Variants in DCHS2 observed in about 807,000 individuals in gnomAD.
DCHS2 encodes dachsous cadherin-related 2.
Under a neutral mutation model 182.4 loss-of-function variants are expected in DCHS2, and 142 were observed. The observed-to-expected ratio is 0.78, with a 90% confidence interval of 0.68 to 0.89. DCHS2 has a LOEUF of 0.89. Ranked by LOEUF, DCHS2 falls within the 40% of genes least tolerant of loss-of-function variation. The pLI is 0.00. For synonymous variants in DCHS2, 1,740 were observed against 1,663.3 expected, an observed-to-expected ratio of 1.05 and a Z score of -1.12; for missense variants, 4,319 against 4,198.6, an observed-to-expected ratio of 1.03 and a Z score of -0.79.
intron 1 of DCHS2, among the ~76,000 whole-genome samples, chr4:154,394,265 A>G (rs1399872319): frequency 6.6e-6 from 1 of 152,190 alleles, no homozygotes; most frequent in Non-Finnish European, 1.5e-5. Context: ...CAATGCACTT[A>G]AATCAGCACT....
In DCHS2 at chr4:154,489,760, G is replaced by T; in HGVS notation, c.1596C>A (p.Leu532=). The T allele has an allele frequency of 1.3e-6, 2 of 1,551,630 alleles. No individual in the cohort carries two copies. The highest frequency in any genetic ancestry group is 2.4e-5 in the South Asian group (2 of 84,056). ...EETLLLRVAD[L]NDQPPLFSQQ... is the part of the protein sequence containing the mutation. Reference sequence around the variant, plus strand: ...GGCTGAAGAGAGGTGGTTGGTCATTGAGGTCAGCGACCCGGAGTAGCAGCG... The same window carrying T: ...GGCTGAAGAGAGGTGGTTGGTCATTTAGGTCAGCGACCCGGAGTAGCAGCG... The change falls in exon 1 of 20, where the codon CTC becomes CTA. Residue 532 remains leucine, a synonymous_variant. Transcript: ENST00000357232.
intron 1 of DCHS2, among the ~76,000 whole-genome samples, chr4:154,418,720 G>A (rs1045997110): frequency 2.0e-5 from 3 of 152,034 alleles, no homozygotes; most frequent in African/African-American, 7.2e-5. Flanking sequence ...ATAATATAAA[G>A]GGAAAATAAA....
In DCHS2 at chr4:154,232,665, A is replaced by C. The variant is rs989479833; in HGVS notation, c.*1871T>G. 2 of 152,180 alleles carry C rather than the reference A, an allele frequency of 1.3e-5. No individual in the cohort carries two copies. The highest frequency in any genetic ancestry group is 2.9e-5 in the Non-Finnish European group (2 of 68,030). 9.4% of individuals were successfully genotyped at this position (152,180 alleles called of 1,614,324 possible). ...TAGTATAGGGTTTCTTTCTATGCTC[A>C]AAGCAATGTTTTCAAAAGAGTCAGA... On this transcript the variant is annotated 3_prime_UTR_variant, in exon 20 of 20. Transcript: ENST00000357232.
chr4:154,294,913 G>T (rs1346102894), intron 13 of DCHS2, among the ~76,000 whole-genome samples: 1 of 152,202 alleles, frequency 6.6e-6, no homozygotes, highest in Non-Finnish European at 1.5e-5. Flanking sequence ...ACTCCTAATT[G>T]TTGAGGATTA....
At chr4:154,342,262 C>A (rs772562421) in intron 3 of DCHS2, among the ~76,000 whole-genome samples, 2 of 151,594 alleles carry the variant, frequency 1.3e-5, no homozygotes, top group African/African-American at 2.4e-5. Flanking sequence ...GAGTGGTAAT[C>A]TTCTTGCTGG....
Position 154,236,182 on chromosome 4 carries a change from G to T in DCHS2, c.8470C>A (p.Leu2824Ile). ...CCTGTCAAAGGGTCAATGAGGAAGA[G>T]ATCATGATCATAAGACATTCCATGA... ...LTHGMSYDHD[L>I]FLIDPLTGDI... is the part of the protein sequence containing the mutation. Residue 2824 changes from leucine (L) to isoleucine (I), a missense_variant, in exon 20 of 20, where the codon CTC (leucine) becomes ATC (isoleucine). Transcript: ENST00000357232. 1 of 1,613,912 alleles carries T rather than the reference G, an allele frequency of 6.2e-7. No individual in the cohort carries two copies. Among genetic ancestry groups the T allele is most frequent in the South Asian group, 1.1e-5 (1 of 91,076 alleles).
At chr4:154,264,757 C>T (rs1400503005) in intron 14 of DCHS2, among the ~76,000 whole-genome samples, 1 of 151,624 alleles carries the variant, frequency 6.6e-6, no homozygotes, top group Non-Finnish European at 1.5e-5. Context: ...CTATACAAAC[C>T]CTCACTAAAG....
At chr4:154,326,499 C>T (rs1230907258) in intron 7 of DCHS2, among the ~76,000 whole-genome samples, 4 of 152,028 alleles carry the variant, frequency 2.6e-5, no homozygotes, top group East Asian at 1.9e-4. Flanking sequence ...TTGTTTAAAC[C>T]GTCTTCTTTA....
At chr4:154,294,590 C>G (rs898416474) in intron 13 of DCHS2, among the ~76,000 whole-genome samples, 3 of 152,190 alleles carry the variant, frequency 2.0e-5, no homozygotes, top group African/African-American at 7.2e-5. Flanking sequence ...GTCTTATCTA[C>G]AGATAGGCAA....
intron 3 of DCHS2, chr4:154,354,845 AT>A (rs1213454926): frequency 1.3e-5 from 2 of 152,190 alleles, no homozygotes; most frequent in Non-Finnish European, 2.9e-5. Flanking sequence ...TGAAGCGAGT[AT>A]GACAACAAAG....
In DCHS2 at chr4:154,484,564, C is replaced by A. The variant is rs1728511080; in HGVS notation, c.2052+4740G>T. On this transcript the variant is annotated intron_variant, in intron 1 of 19. Transcript: ENST00000357232. ...ATAGATTTTCAATTAATTCATACTTCCGATTATATTTACCTGATCTACTTT... is the reference window on the plus strand; with the variant it reads ...ATAGATTTTCAATTAATTCATACTTACGATTATATTTACCTGATCTACTTT... 4.6e-5 allele frequency among the ~76,000 whole-genome samples: 7 copies of A among 152,296 alleles called. No individual in the cohort carries two copies. In the South Asian group the frequency reaches 1.5e-3, roughly 32 times the overall value.
chr4:154,348,245 A>C (rs1351095948), intron 3 of DCHS2, among the ~76,000 whole-genome samples: 1 of 151,904 alleles, frequency 6.6e-6, no homozygotes, highest in Non-Finnish European at 1.5e-5. Flanking sequence ...CCAATGCACC[A>C]CCAACAACAG....
At chr4:154,273,847 T>C (rs1271222621) in intron 13 of DCHS2, among the ~76,000 whole-genome samples, 5 of 152,110 alleles carry the variant, frequency 3.3e-5, no homozygotes, top group Admixed American at 6.6e-5. Flanking sequence ...GGTAAAAGTA[T>C]GCACACTGTC....
chr4:154,427,237 G>A (rs372936937), intron 1 of DCHS2, among the ~76,000 whole-genome samples: 14 of 152,134 alleles, frequency 9.2e-5, no homozygotes, highest in African/African-American at 3.1e-4. Flanking sequence ...CATATTTTAA[G>A]TTCAGCTTTA....
intron 4 of DCHS2, 21 bp from the exon 5 acceptor site, chr4:154,333,515 A>G: frequency 6.3e-7 from 1 of 1,589,726 alleles, no homozygotes; most frequent in Non-Finnish European, 8.6e-7. Context: ...GAGAGGGGAC[A>G]ACCACTGTAT....
rs1474634915 is a variant in DCHS2, at chr4:154,357,215, C to T, written c.2476+8995G>A. ...TGGCTTTTTTGGAGAAGGCTAACCT[C>T]TACTTGAAGTGCCTTAGCAGAGGTA... On this transcript the variant is annotated intron_variant, in intron 3 of 19. Coordinates refer to ENST00000357232, the MANE Select transcript of DCHS2 (RefSeq NM_001358235.2). 2 of 1,596,398 alleles carry T rather than the reference C, an allele frequency of 1.3e-6. 1 individual carries two copies. The highest frequency in any genetic ancestry group is 1.7e-6 in the Non-Finnish European group (2 of 1,164,332).
chr4:154,235,316 C>G lies in DCHS2; in HGVS notation c.9336G>C (p.Glu3112Asp). 4 of 1,614,076 alleles carry G rather than the reference C, an allele frequency of 2.5e-6. No individual in the cohort carries two copies. Among genetic ancestry groups the G allele is most frequent in the Non-Finnish European group, 3.4e-6 (4 of 1,179,980 alleles). ...AGTCTGAGCACTTTCTGTAGGGATG[C>G]TCATTTATCCTCTGGATTTCCTTAT... ...AEDKEIQRIN[E>D]HPYRKCSDSA... The change falls in exon 20 of 20, where the codon GAG becomes GAC. Residue 3112 changes from glutamate to aspartate, a missense_variant. By Grantham distance (45) the Glu-to-Asp change is conservative. Transcript: ENST00000357232.
rs1164934525 is a variant in DCHS2 at position 154,232,393 on chromosome 4, T to C, written c.*2143A>G. The C allele has an allele frequency of 1.3e-5, 2 of 152,098 alleles. No homozygotes were observed. The highest frequency in any genetic ancestry group is 4.8e-5 in the African/African-American group (2 of 41,422). The allele number at this position is 152,098 out of a possible 1,614,324, so 9.4% of individuals were successfully genotyped here. A position where few individuals can be genotyped will look rare whatever the true frequency, so the allele number is the denominator to read the frequency against. On this transcript the variant is annotated 3_prime_UTR_variant, in exon 20 of 20. Transcript: ENST00000357232. ...CCATCAATTAAAAATCCATTAAATA[T>C]TGGTAAAAAAGCTCTATTACATGTC...
chr4:154,466,598 A>C (rs527237208), intron 1 of DCHS2, among the ~76,000 whole-genome samples: 2 of 152,308 alleles, frequency 1.3e-5, no homozygotes, highest in African/African-American at 4.8e-5. Context: ...ACCCAGCAAG[A>C]CATGTAAGAC....
Sources: allele counts gnomAD v4.1 joint callset (sites outside exome capture counted in the v4.1 genomes callset), GRCh38; gene constraint gnomAD v4.1.1; transcripts MANE v1.5; gene names NCBI Gene and HGNC (gene_info 2026-07-23, HGNC 2026-07-21).